MGAT4C: variants seen among roughly 807,000 people sequenced by gnomAD.
The protein encoded by MGAT4C is alpha-1,3-mannosyl-glycoprotein 4-beta-N-acetylglucosaminyltransferase C.
A neutral mutation model predicts 40.1 loss-of-function variants in MGAT4C; 19 were observed. The observed-to-expected ratio is 0.47, with a 90% CI of 0.33 to 0.70. The LOEUF is 0.70. Ranked by LOEUF, MGAT4C falls within the 30% of genes least tolerant of loss-of-function variation. The probability of loss-of-function intolerance (pLI) is 0.02; values close to 1 mark genes in which losing one functional copy is unlikely to be tolerated. For synonymous variants in MGAT4C, 181 were observed against 187.1 expected, an observed-to-expected ratio of 0.97 and a Z score of 0.27; for missense variants, 491 against 563.2, an observed-to-expected ratio of 0.87 and a Z score of 1.30.
At chr12:86,531,239 T>G (rs1458739871) in intron 2 of MGAT4C, among the ~76,000 whole-genome samples, 1 of 152,120 alleles carries the variant, frequency 6.6e-6, no homozygotes, top group African/African-American at 2.4e-5. Context: ...AGTTAGCATG[T>G]GATCTGTCCA....
intron 1 of MGAT4C, among the ~76,000 whole-genome samples, chr12:86,142,266 G>C (rs1449312712): frequency 1.3e-5 from 2 of 152,156 alleles, no homozygotes; most frequent in Admixed American, 6.5e-5. Context: ...CACACAGAGA[G>C]ATGAAAATCA....
At chr12:86,278,972 A>ACATTGAATGATTTATGTATGCTGAAC in intron 4 of MGAT4C, among the ~76,000 whole-genome samples, 1 of 152,014 alleles carries the variant, frequency 6.6e-6, no homozygotes, top group East Asian at 1.9e-4. Flanking sequence ...ATGATGTCTC[A>ACATTGAATGATTTATGTATGCTGAAC]CATCCTTATA....
intron 2 of MGAT4C, among the ~76,000 whole-genome samples, chr12:86,521,736 C>A (rs1332187142): frequency 1.3e-5 from 2 of 152,044 alleles, no homozygotes; most frequent in Non-Finnish European, 2.9e-5. Flanking sequence ...TATTCATGAG[C>A]ATGGAATGTT....
At chr12:86,794,536 C>G (rs973534389) in intron 1 of MGAT4C, among the ~76,000 whole-genome samples, 2 of 151,674 alleles carry the variant, frequency 1.3e-5, no homozygotes, top group Non-Finnish European at 3.0e-5. Context: ...TACTATGATA[C>G]TGATCATTTT....
chr12:86,519,350 G>A (rs1369167080), intron 2 of MGAT4C, among the ~76,000 whole-genome samples: 2 of 152,110 alleles, frequency 1.3e-5, no homozygotes, highest in African/African-American at 2.4e-5. Context: ...ATTGTGAATA[G>A]TGCTGCAATA....
At chr12:86,575,050 TCACAC>T (rs1461433377) in intron 2 of MGAT4C, among the ~76,000 whole-genome samples, 2 of 151,480 alleles carry the variant, frequency 1.3e-5, no homozygotes, top group Non-Finnish European at 3.0e-5. Context: ...AGGAACACAC[TCACAC>T]ACAAACCACA....
At chr12:86,414,619 T>G (rs1956672678) in intron 3 of MGAT4C, among the ~76,000 whole-genome samples, 1 of 152,114 alleles carries the variant, frequency 6.6e-6, no homozygotes, top group South Asian at 2.1e-4. Context: ...CAAAATAAAT[T>G]CACTTCATGT....
At chr12:86,650,234 G>A (rs1439047720) in intron 2 of MGAT4C, among the ~76,000 whole-genome samples, 1 of 151,840 alleles carries the variant, frequency 6.6e-6, no homozygotes, top group South Asian at 2.1e-4. Flanking sequence ...ACAACAAAGA[G>A]TTACATCAGA....
intron 1 of MGAT4C, among the ~76,000 whole-genome samples, chr12:86,174,110 GACACACACACACAT>G (rs1309301584): frequency 5.9e-3 from 545 of 92,340 alleles, no homozygotes; most frequent in African/African-American, 0.022. Flanking sequence ...TACCAAAAAA[GACACACACACACAT>G]ACACACACAC....
At chr12:86,099,319 T>G (rs1874513036) in intron 1 of MGAT4C, among the ~76,000 whole-genome samples, 1 of 151,408 alleles carries the variant, frequency 6.6e-6, no homozygotes, top group Admixed American at 6.6e-5. Flanking sequence ...CCTCACTATT[T>G]CATAGTTTGG....
chr12:86,163,116 C>T (rs527730654), intron 1 of MGAT4C, among the ~76,000 whole-genome samples: 1 of 152,176 alleles, frequency 6.6e-6, no homozygotes, highest in East Asian at 1.9e-4. Flanking sequence ...ACAGTCAGTA[C>T]CTAAATTCTG....
intron 4 of MGAT4C, among the ~76,000 whole-genome samples, chr12:86,303,030 A>G (rs1953853073): frequency 6.6e-6 from 1 of 150,672 alleles, no homozygotes; most frequent in Non-Finnish European, 1.5e-5. Flanking sequence ...TAGAACTTCA[A>G]CTATTTTTCT....
intron 1 of MGAT4C, among the ~76,000 whole-genome samples, chr12:86,080,789 G>A (rs1870693299): frequency 6.6e-6 from 1 of 152,122 alleles, no homozygotes; most frequent in Non-Finnish European, 1.5e-5. Context: ...AAATCAATAT[G>A]TTACCCCATG....
In MGAT4C at chr12:86,371,134, A is replaced by G. The variant is rs539633918; in HGVS notation, c.-119-37007T>C. On this transcript the variant is annotated intron_variant, in intron 3 of 7. Coordinates refer to the MGAT4C transcript ENST00000548651. ...GTATTATTTATTGCTCCAGCTAAAG[A>G]GGACTAAATATTCGAAAATTCCTCT... is the stretch of plus-strand genomic sequence containing the variant. 9.3e-4 allele frequency among the ~76,000 whole-genome samples: 141 copies of G among 152,118 alleles called. 1 individual carries two copies. Among genetic ancestry groups the G allele is most frequent in the African/African-American group, 3.1e-3 (127 of 41,576 alleles).
At chr12:86,810,383 G>A (rs1289848467) in intron 1 of MGAT4C, among the ~76,000 whole-genome samples, 3 of 151,574 alleles carry the variant, frequency 2.0e-5, no homozygotes, top group Non-Finnish European at 4.4e-5. Flanking sequence ...ATAAGAGTAG[G>A]GTGAACAGAT....
chr12:86,305,830 T>C (rs923314846), intron 4 of MGAT4C, among the ~76,000 whole-genome samples: 8 of 150,680 alleles, frequency 5.3e-5, no homozygotes, highest in Non-Finnish European at 1.2e-4. Flanking sequence ...TTTATTGTTG[T>C]TGTTTTTTAA....
At chr12:86,463,645 TTC>T (rs1429285845) in intron 2 of MGAT4C, among the ~76,000 whole-genome samples, 1 of 152,160 alleles carries the variant, frequency 6.6e-6, no homozygotes, top group Non-Finnish European at 1.5e-5. Flanking sequence ...TTATTTAAAA[TTC>T]TTCATTTTAA....
At chr12:86,172,480 G>A (rs1233170189) in intron 1 of MGAT4C, among the ~76,000 whole-genome samples, 1 of 151,978 alleles carries the variant, frequency 6.6e-6, no homozygotes, top group Non-Finnish European at 1.5e-5. Context: ...TTTTAAAACA[G>A]GTAAAACTCA....
At chr12:86,434,494 G>A (rs376615238) in intron 3 of MGAT4C, among the ~76,000 whole-genome samples, 2 of 151,786 alleles carry the variant, frequency 1.3e-5, no homozygotes, top group African/African-American at 2.4e-5. Context: ...AGACTGATAT[G>A]AATTCAGATA....
Sources: allele counts gnomAD v4.1 joint callset (sites outside exome capture counted in the v4.1 genomes callset), GRCh38; gene constraint gnomAD v4.1.1; transcripts MANE v1.5; gene names NCBI Gene and HGNC (gene_info 2026-07-23, HGNC 2026-07-21).